SEMA6A: variants seen among roughly 807,000 people sequenced by gnomAD.
SEMA6A encodes the protein semaphorin 6A, also known as semaphorin-6A.
In SEMA6A, 25 loss-of-function variants were observed where a neutral mutation model predicts 96.8. That is an observed-to-expected ratio of 0.26 (90% confidence interval 0.19 to 0.36). The LOEUF (loss-of-function observed/expected upper bound fraction) is 0.36, where lower values mean the gene tolerates loss of function less well. SEMA6A is among the 10% of genes least tolerant of loss of function. The probability of loss-of-function intolerance (pLI) is 1.00; values close to 1 mark genes in which losing one functional copy is unlikely to be tolerated. For synonymous variants in SEMA6A, 612 were observed against 518.0 expected, an observed-to-expected ratio of 1.18 and a Z score of -2.46; for missense variants, 1,363 against 1,323.1, an observed-to-expected ratio of 1.03 and a Z score of -0.47.
intron 1 of SEMA6A, among the ~76,000 whole-genome samples, chr5:116,532,448 ATG>A (rs768939731): frequency 7.9e-5 from 12 of 152,212 alleles, no homozygotes; most frequent in Non-Finnish European, 1.5e-4. Flanking sequence ...ATGTAACTCC[ATG>A]TTTACTGCTA....
At chr5:116,564,039 A>T (rs1211838699) in intron 1 of SEMA6A, among the ~76,000 whole-genome samples, 1 of 152,252 alleles carries the variant, frequency 6.6e-6, no homozygotes, top group African/African-American at 2.4e-5. Flanking sequence ...AAGCCCGGTG[A>T]AACCAGTAGC....
intron 18 of SEMA6A, among the ~76,000 whole-genome samples, chr5:116,450,684 T>C (rs967551632): frequency 6.6e-6 from 1 of 152,172 alleles, no homozygotes; most frequent in Non-Finnish European, 1.5e-5. Context: ...AGGAAAATGG[T>C]ATCTCAGACA....
intron 18 of SEMA6A, among the ~76,000 whole-genome samples, chr5:116,455,761 G>C (rs1251855538): frequency 6.6e-6 from 1 of 152,184 alleles, no homozygotes. Context: ...CTGGGTTAAA[G>C]ATGAGACTGG....
chr5:116,504,659 C>T (rs1382421346), intron 2 of SEMA6A, among the ~76,000 whole-genome samples, 186 bp downstream of exon 2: 1 of 152,234 alleles, frequency 6.6e-6, no homozygotes, highest in African/African-American at 2.4e-5. Context: ...CCCACAACAA[C>T]ATCTGATGGA....
chr5:116,494,988 G>A (rs1356980274), intron 6 of SEMA6A, among the ~76,000 whole-genome samples: 4 of 152,204 alleles, frequency 2.6e-5, no homozygotes, highest in African/African-American at 4.8e-5. Context: ...CTGTGTTCTT[G>A]TAGGAAAGTC....
Position 116,447,413 on chromosome 5 carries a change from G to T in SEMA6A, c.2293C>A (p.Gln765Lys), listed in dbSNP as rs1754299402. 6.2e-7 allele frequency: 1 copy of T among 1,614,066 alleles called. No homozygotes were observed. The highest frequency in any genetic ancestry group is 1.1e-5 in the South Asian group (1 of 91,084). Residue 765 changes from glutamine to lysine, a missense_variant, in exon 19 of 19, where the codon CAG (glutamine) becomes AAG (lysine). Coordinates refer to ENST00000343348, the MANE Select transcript of SEMA6A (RefSeq NM_020796.5). ...LPTPESTPTL[Q>K]QKRKPSRGSR... is the part of the protein sequence containing the mutation. Reference sequence around the variant, plus strand: ...CCGCGGCTGGGCTTCCGCTTCTGCTGCAGCGTTGGGGTTGACTCTGGGGTG... The same window carrying T: ...CCGCGGCTGGGCTTCCGCTTCTGCTTCAGCGTTGGGGTTGACTCTGGGGTG...
intron 1 of SEMA6A, among the ~76,000 whole-genome samples, chr5:116,544,192 G>A (rs1760090874): frequency 6.6e-6 from 1 of 152,146 alleles, no homozygotes; most frequent in Non-Finnish European, 1.5e-5. Context: ...TAAGGCTGGT[G>A]GATGCAGCAC....
At chr5:116,540,110 T>C (rs771698602) in intron 1 of SEMA6A, among the ~76,000 whole-genome samples, 1 of 152,224 alleles carries the variant, frequency 6.6e-6, no homozygotes, top group Admixed American at 6.5e-5. Context: ...ATGTAAAAGA[T>C]TGATCTTTAT....
At position 116,497,406 on chromosome 5, in the gene SEMA6A, T is replaced by A; in HGVS notation, c.219-19A>T. 1 of 1,480,686 alleles carries A rather than the reference T, an allele frequency of 6.8e-7. No individual in the cohort carries two copies. Among genetic ancestry groups the A allele is most frequent in the Non-Finnish European group, 9.4e-7 (1 of 1,063,974 alleles). 91.7% of individuals were successfully genotyped at this position (1,480,686 alleles called of 1,614,324 possible). A position where few individuals can be genotyped will look rare whatever the true frequency, so the allele number is the denominator to read the frequency against. On this transcript the variant is annotated intron_variant, in intron 3 of 18. Transcript: ENST00000343348. ...ATGGTCCCTATAGGCAAAGAAAAAT[T>A]AATACAAGGTCAAACACAGAGTCAA...
At chr5:116,538,770 A>C (rs531102349) in intron 1 of SEMA6A, among the ~76,000 whole-genome samples, 13 of 152,178 alleles carry the variant, frequency 8.5e-5, no homozygotes, top group African/African-American at 2.9e-4. Context: ...AGACAAAACT[A>C]AAGTCCTGCT....
chr5:116,482,695 C>A (rs1340289424), intron 10 of SEMA6A, 120 bp from the exon 11 acceptor site: 1 of 934,558 alleles, frequency 1.1e-6, no homozygotes. Flanking sequence ...ATACCTTGGA[C>A]ACTATAAATA....
At chr5:116,559,418 G>C (rs1391721489) in intron 1 of SEMA6A, among the ~76,000 whole-genome samples, 1 of 152,156 alleles carries the variant, frequency 6.6e-6, no homozygotes, top group African/African-American at 2.4e-5. Flanking sequence ...GTACCACGTA[G>C]CAGTTACAGT....
intron 1 of SEMA6A, among the ~76,000 whole-genome samples, chr5:116,564,684 T>TA (rs1217547645): frequency 6.6e-6 from 1 of 151,846 alleles, no homozygotes; most frequent in Non-Finnish European, 1.5e-5. Context: ...GAACATTCTC[T>TA]AATCAACTCT....
Position 116,496,178 on chromosome 5 carries a change from G to C in SEMA6A, c.342+73C>G, listed in dbSNP as rs557531137. ...AAAAGCACAATCCATTCTACATCAC[G>C]GTCTATGGCTGGAGATAACAGTCAA... On this transcript the variant is annotated intron_variant, in intron 5 of 18. Coordinates refer to ENST00000343348, the MANE Select transcript of SEMA6A (RefSeq NM_020796.5). The C allele has an allele frequency of 8.2e-6, 10 of 1,225,958 alleles. No homozygotes were observed. In the African/African-American group the frequency reaches 1.2e-4, roughly 15 times the overall value. The allele number at this position is 1,225,958 out of a possible 1,614,324, so 75.9% of individuals were successfully genotyped here. A position where few individuals can be genotyped will look rare whatever the true frequency, so the allele number is the denominator to read the frequency against.
chr5:116,566,245 A>G (rs1174255923), intron 1 of SEMA6A, among the ~76,000 whole-genome samples: 1 of 152,206 alleles, frequency 6.6e-6, no homozygotes, highest in Non-Finnish European at 1.5e-5. Flanking sequence ...AGGCGTAAAC[A>G]GCACCAACTT....
In SEMA6A at chr5:116,448,778, A is replaced by AAAC. The variant is rs1355198127; in HGVS notation, c.1895-968_1895-967insGTT. Among the ~76,000 whole-genome samples, 72 of 146,012 alleles carry AAAC rather than the reference A, an allele frequency of 4.9e-4. 1 individual carries two copies. Among genetic ancestry groups the AAAC allele is most frequent in the Non-Finnish European group, 7.5e-4 (50 of 66,460 alleles). The stretch of plus-strand genomic sequence containing the variant: ...CTCAAAAAAAAAAAAAAAAAAAAAC[A>AAAC]GTGCAAACTCAATTTCAGGTAACTA... On this transcript the variant is annotated intron_variant, in intron 18 of 18. Coordinates refer to ENST00000343348, the MANE Select transcript of SEMA6A (RefSeq NM_020796.5).
chr5:116,523,955 T>C (rs1370902914), intron 1 of SEMA6A, among the ~76,000 whole-genome samples: 1 of 152,240 alleles, frequency 6.6e-6, no homozygotes, highest in Non-Finnish European at 1.5e-5. Context: ...TTGTGCCAGC[T>C]GCATGGAGTG....
chr5:116,494,041 T>C (rs1301360369), intron 6 of SEMA6A, among the ~76,000 whole-genome samples: 2 of 152,160 alleles, frequency 1.3e-5, no homozygotes, highest in Non-Finnish European at 2.9e-5. Context: ...AGAGATGGCC[T>C]AGCAGTCATT....
intron 1 of SEMA6A, among the ~76,000 whole-genome samples, chr5:116,530,480 A>T (rs1477106413): frequency 2.0e-5 from 3 of 152,182 alleles, no homozygotes; most frequent in Non-Finnish European, 4.4e-5. Flanking sequence ...AAAAATTATA[A>T]CTCAGCTGTT....
Sources: gnomAD v4.1 joint callset for allele counts (sites outside exome capture counted in the v4.1 genomes callset) on GRCh38, gnomAD v4.1.1 for gene constraint, MANE v1.5 for transcripts, NCBI Gene and HGNC (gene_info 2026-07-23, HGNC 2026-07-21) for gene names.